Variants in TENM2 observed in about 807,000 individuals in gnomAD.
TENM2 encodes the protein teneurin-2.
A neutral mutation model predicts 245.2 loss-of-function variants in TENM2; 52 were observed. The ratio of observed to expected loss-of-function variants is 0.21; its 90% CI spans 0.17 to 0.27. The LOEUF is 0.27. Ranked by LOEUF, TENM2 falls within the 10% of genes least tolerant of loss-of-function variation. The pLI is 1.00. For missense variants in TENM2, 3,046 were observed against 3,666.8 expected (o/e 0.83, Z 4.37); for synonymous variants, 1,363 against 1,438.9 (o/e 0.95, Z 1.19).
intron 2 of TENM2, among the ~76,000 whole-genome samples, chr5:167,598,329 C>A (rs1776364991): frequency 6.6e-6 from 1 of 152,260 alleles, no homozygotes; most frequent in South Asian, 2.1e-4. Context: ...CCCTCATGTG[C>A]AAGTCTCCTG....
chr5:167,557,298 T>C (rs1773319110), intron 2 of TENM2, among the ~76,000 whole-genome samples: 1 of 152,196 alleles, frequency 6.6e-6, no homozygotes, highest in South Asian at 2.1e-4. Flanking sequence ...ATTGTCACCA[T>C]GATGCCTATT....
intron 2 of TENM2, among the ~76,000 whole-genome samples, chr5:167,432,080 A>C (rs1318453596): frequency 1.3e-5 from 2 of 150,864 alleles, no homozygotes; most frequent in Non-Finnish European, 2.9e-5. Context: ...GTTAAATTCT[A>C]ATGCAGTAAA....
intron 5 of TENM2, among the ~76,000 whole-genome samples, chr5:168,016,724 T>C (rs1785687706): frequency 6.6e-6 from 1 of 152,166 alleles, no homozygotes; most frequent in Admixed American, 6.5e-5. Flanking sequence ...CAGCAAAACC[T>C]CTGAAATCGG....
chr5:167,790,269 CT>C (rs1202888189), intron 2 of TENM2, among the ~76,000 whole-genome samples: 17 of 152,096 alleles, frequency 1.1e-4, no homozygotes, highest in Admixed American at 1.1e-3. Flanking sequence ...ATCACACTGG[CT>C]GAGTCCACAG....
chr5:167,833,125 A>AT lies in TENM2; in HGVS notation c.503-42856dup, dbSNP rs1248189987. On this transcript the variant is annotated intron_variant, in intron 2 of 28. Coordinates refer to ENST00000518659, the Ensembl canonical transcript of TENM2. ...TTATGTTGGGAATGGGAAACAAGACATTTTTCCTCTTTATTTTATACATTT... is the reference window on the plus strand; with the variant it reads ...TTATGTTGGGAATGGGAAACAAGACATTTTTTCCTCTTTATTTTATACATTT... Among the ~76,000 whole-genome samples the AT allele has an allele frequency of 1.3e-5, 2 of 151,940 alleles. 1 individual carries two copies. The highest frequency in any genetic ancestry group is 4.2e-4 in the South Asian group (2 of 4,814).
rs114914154 is a variant in TENM2, at chr5:167,309,383, A to G, written c.226+24320A>G. ...TTAAGTCCAGATAAACTTATTGTAC[A>G]TTGAGAATATCGTAAGTCGAAAATG... On this transcript the variant is annotated intron_variant, in intron 1 of 28. Coordinates refer to ENST00000518659, the Ensembl canonical transcript of TENM2. 8.7e-3 allele frequency among the ~76,000 whole-genome samples: 1,328 copies of G among 152,318 alleles called. 4 individuals are homozygous for G. The highest frequency in any genetic ancestry group is 0.014 in the African/African-American group (584 of 41,590).
the TENM2 span, among the ~76,000 whole-genome samples, chr5:167,184,441 G>A: frequency 6.6e-6 from 1 of 152,102 alleles, no homozygotes; most frequent in South Asian, 2.1e-4. Context: ...ACATTGTGAT[G>A]GTAAAAAGTT....
chr5:167,367,232 G>A (rs1437171385), intron 1 of TENM2, among the ~76,000 whole-genome samples: 1 of 152,040 alleles, frequency 6.6e-6, no homozygotes, highest in African/African-American at 2.4e-5. Context: ...AATGGTTCTA[G>A]TTACAAATTG....
At chr5:167,061,560 T>C in the TENM2 span, among the ~76,000 whole-genome samples, 1 of 152,126 alleles carries the variant, frequency 6.6e-6, no homozygotes, top group Non-Finnish European at 1.5e-5. Context: ...CTCAGGGAAA[T>C]GGTAAGGATG....
chr5:167,774,269 G>A (rs1763609999), intron 2 of TENM2, among the ~76,000 whole-genome samples: 1 of 148,188 alleles, frequency 6.7e-6, no homozygotes, highest in Non-Finnish European at 1.5e-5. Flanking sequence ...TAATTCTCAG[G>A]TGGAGTTAAT....
At chr5:168,012,623 G>A (rs573000697) in intron 5 of TENM2, among the ~76,000 whole-genome samples, 1 of 149,396 alleles carries the variant, frequency 6.7e-6, no homozygotes, top group Admixed American at 6.7e-5. Flanking sequence ...ACTCCAGCCT[G>A]GGTGACAGAA....
At chr5:167,321,800 T>TTTTTTGG (rs1467480814) in intron 1 of TENM2, among the ~76,000 whole-genome samples, 1 of 12,144 alleles carries the variant, frequency 8.2e-5, no homozygotes, top group Non-Finnish European at 1.7e-4. Context: ...TTTTTTTTTT[T>TTTTTTGG]TGGGGGGGGG....
the TENM2 span, among the ~76,000 whole-genome samples, chr5:167,187,015 G>T: frequency 6.6e-6 from 1 of 152,136 alleles, no homozygotes; most frequent in South Asian, 2.1e-4. Context: ...CTCTCCACCC[G>T]CCATGTCTTC....
intron 2 of TENM2, among the ~76,000 whole-genome samples, chr5:167,647,739 A>T (rs1460147993): frequency 6.6e-6 from 1 of 152,174 alleles, no homozygotes; most frequent in East Asian, 1.9e-4. Flanking sequence ...ATAATGCACG[A>T]CTGCCCTGGA....
chr5:167,159,660 T>G, the TENM2 span, among the ~76,000 whole-genome samples: 2 of 152,318 alleles, frequency 1.3e-5, no homozygotes, highest in Non-Finnish European at 2.9e-5. Context: ...AAAGGCAAAG[T>G]GTCCAAACAG....
At chr5:167,243,077 C>T in the TENM2 span, among the ~76,000 whole-genome samples, 2 of 151,344 alleles carry the variant, frequency 1.3e-5, no homozygotes, top group East Asian at 3.9e-4. Context: ...TGGGTGTAGA[C>T]ACAAAGGGCT....
chr5:167,936,400 A>T (rs989163420), intron 3 of TENM2, among the ~76,000 whole-genome samples: 1 of 152,202 alleles, frequency 6.6e-6, no homozygotes, highest in African/African-American at 2.4e-5. Flanking sequence ...TGCCAATAGG[A>T]CTTTTACTGA....
intron 24 of TENM2, among the ~76,000 whole-genome samples, chr5:168,227,262 C>G (rs1160002583): frequency 6.6e-6 from 1 of 152,186 alleles, no homozygotes; most frequent in Non-Finnish European, 1.5e-5. Context: ...GGAAGATAAA[C>G]ACATTATCAG....
chr5:168,125,547 G>A (rs951104315), intron 11 of TENM2, among the ~76,000 whole-genome samples: 4 of 151,936 alleles, frequency 2.6e-5, no homozygotes, highest in African/African-American at 9.7e-5. Flanking sequence ...CTTAAAAATG[G>A]AACAGTTCAA....
Sources: gnomAD v4.1 joint callset for allele counts (sites outside exome capture counted in the v4.1 genomes callset) on GRCh38, gnomAD v4.1.1 for gene constraint, MANE v1.5 for transcripts, NCBI Gene and HGNC (gene_info 2026-07-23, HGNC 2026-07-21) for gene names.